The following GALNTL6 variants were observed in gnomAD, a reference collection of about 807,000 sequenced individuals.
The protein encoded by GALNTL6 is polypeptide N-acetylgalactosaminyltransferase-like 6.
Under a neutral mutation model 73.7 loss-of-function variants are expected in GALNTL6, and 46 were observed. The ratio of observed to expected loss-of-function variants is 0.62; its 90% CI spans 0.49 to 0.80. The LOEUF is 0.80. Ranked by LOEUF, GALNTL6 falls within the 30% of genes least tolerant of loss-of-function variation. GALNTL6 has a pLI of 0.00. For missense variants in GALNTL6, 604 were observed against 755.0 expected (o/e 0.80, Z 2.34); for synonymous variants, 259 against 263.7 (o/e 0.98, Z 0.17).
At chr4:171,862,704 T>C (rs1452257423) in intron 2 of GALNTL6, among the ~76,000 whole-genome samples, 1 of 152,114 alleles carries the variant, frequency 6.6e-6, no homozygotes, top group African/African-American at 2.4e-5. Context: ...ATTTTAAATA[T>C]CTTGACTTTA....
chr4:171,943,552 A>G (rs1287428024), intron 2 of GALNTL6, among the ~76,000 whole-genome samples: 1 of 152,204 alleles, frequency 6.6e-6, no homozygotes, highest in Non-Finnish European at 1.5e-5. Context: ...TGTGTGATCT[A>G]CTAGTAGACA....
chr4:172,142,901 C>T (rs2110742040), intron 2 of GALNTL6, among the ~76,000 whole-genome samples: 1 of 152,028 alleles, frequency 6.6e-6, no homozygotes, highest in Non-Finnish European at 1.5e-5. Context: ...TCTTTTTCTC[C>T]TGTTGCCCTA....
Position 172,468,919 on chromosome 4 carries a change from G to A in GALNTL6, c.553+120230G>A, listed in dbSNP as rs144471452. Among the ~76,000 whole-genome samples, 617 of 152,326 alleles carry A rather than the reference G, an allele frequency of 4.1e-3. 6 individuals are homozygous for A. Among genetic ancestry groups the A allele is most frequent in the African/African-American group, 0.014 (598 of 41,572 alleles). ...ATTCTTCCTTTTCAGCTGGCTTCGT[G>A]TTAGGCTCTGCCAACAGGGAGCATT... On this transcript the variant is annotated intron_variant, in intron 5 of 12. Transcript: ENST00000506823.
At chr4:172,149,970 C>T (rs1229861776) in intron 2 of GALNTL6, among the ~76,000 whole-genome samples, 1 of 152,154 alleles carries the variant, frequency 6.6e-6, no homozygotes, top group Non-Finnish European at 1.5e-5. Flanking sequence ...TTGAATAAGG[C>T]TCTCAGAACC....
At position 172,881,860 on chromosome 4, in the gene GALNTL6, C is replaced by T. The variant is rs113243253; in HGVS notation, c.924-930C>T. Among the ~76,000 whole-genome samples, 824 of 152,240 alleles carry T rather than the reference C, an allele frequency of 5.4e-3. 9 individuals carry two copies. The highest frequency in any genetic ancestry group is 0.018 in the African/African-American group (751 of 41,536). On this transcript the variant is annotated intron_variant, in intron 7 of 12. Transcript: ENST00000506823. ...AGTGTTGTGGTGAAGAGCCCTAGCG[C>T]AGCCTCACCACGCTAGCCTCAGCCT...
chr4:172,348,449 A>C, intron 4 of GALNTL6, 74 bp from the exon 5 acceptor site: 1 of 1,210,710 alleles, frequency 8.3e-7, no homozygotes, highest in Admixed American at 2.0e-5. Flanking sequence ...CTGATAACAT[A>C]ATGAATAAAC....
chr4:172,183,967 A>C (rs1208184539), intron 2 of GALNTL6, among the ~76,000 whole-genome samples: 1 of 151,738 alleles, frequency 6.6e-6, no homozygotes, highest in Non-Finnish European at 1.5e-5. Flanking sequence ...TAATTTTTGT[A>C]TTTTTAGTAG....
At chr4:172,582,792 A>G (rs1374309860) in intron 5 of GALNTL6, among the ~76,000 whole-genome samples, 1 of 151,116 alleles carries the variant, frequency 6.6e-6, no homozygotes, top group Non-Finnish European at 1.5e-5. Context: ...AACGTTCTCC[A>G]TTCAAATTCC....
At chr4:172,344,525 C>T (rs906545306) in intron 4 of GALNTL6, among the ~76,000 whole-genome samples, 2 of 152,202 alleles carry the variant, frequency 1.3e-5, no homozygotes, top group African/African-American at 4.8e-5. Context: ...TGCTTCTACT[C>T]TTTGCCATCT....
intron 5 of GALNTL6, chr4:172,667,025 A>T (rs1366948105): frequency 2.0e-5 from 3 of 152,244 alleles, no homozygotes; most frequent in African/African-American, 7.2e-5. Context: ...ATTCCCACCA[A>T]GTTTAGCCTA....
intron 2 of GALNTL6, among the ~76,000 whole-genome samples, chr4:172,109,037 A>G (rs1214279671): frequency 7.8e-5 from 10 of 127,558 alleles, no homozygotes; most frequent in African/African-American, 2.4e-4. Context: ...AAAAAAAAAA[A>G]AAAAAGATAT....
At chr4:172,090,653 A>G (rs990193219) in intron 2 of GALNTL6, among the ~76,000 whole-genome samples, 3 of 152,278 alleles carry the variant, frequency 2.0e-5, no homozygotes, top group African/African-American at 4.8e-5. Flanking sequence ...TTGCCTGTTC[A>G]ATCTGATGAT....
At chr4:172,206,824 T>G (rs13143201) in intron 2 of GALNTL6, among the ~76,000 whole-genome samples, 3 of 89,822 alleles carry the variant, frequency 3.3e-5, no homozygotes, top group Non-Finnish European at 2.3e-5. Flanking sequence ...GTTTGTTTTT[T>G]TTTTTTTTTT....
chr4:172,419,214 T>C (rs1730959005), intron 5 of GALNTL6, among the ~76,000 whole-genome samples: 1 of 152,162 alleles, frequency 6.6e-6, no homozygotes, highest in African/African-American at 2.4e-5. Flanking sequence ...ATATGTTACC[T>C]AACATCCTGT....
At chr4:173,003,844 C>T (rs553789130) in intron 10 of GALNTL6, among the ~76,000 whole-genome samples, 21 of 152,310 alleles carry the variant, frequency 1.4e-4, no homozygotes, top group African/African-American at 2.4e-5. Context: ...TGCTCCAAGC[C>T]CATCTCACCC....
rs183575307 is a variant in GALNTL6 at position 172,799,707 on chromosome 4, G to C, written c.554-9654G>C. On this transcript the variant is annotated intron_variant, in intron 5 of 12. Coordinates refer to ENST00000506823, the MANE Select transcript of GALNTL6 (RefSeq NM_001034845.3). ...CAGTCACTATGAAAAATAGTATAGT[G>C]GTTCCTCAAAAAATTAACAATAGAA... Among the ~76,000 whole-genome samples, 831 of 152,202 alleles carry C rather than the reference G, an allele frequency of 5.5e-3. 5 individuals are homozygous for C. Among genetic ancestry groups the C allele is most frequent in the Non-Finnish European group, 9.3e-3 (635 of 68,004 alleles).
At chr4:171,847,232 G>A (rs534302550) in intron 2 of GALNTL6, among the ~76,000 whole-genome samples, 1 of 152,012 alleles carries the variant, frequency 6.6e-6, no homozygotes, top group Non-Finnish European at 1.5e-5. Context: ...ACATATTTTT[G>A]AGTTTCCCAG....
chr4:172,441,431 T>G (rs555326185), intron 5 of GALNTL6, among the ~76,000 whole-genome samples: 23 of 152,278 alleles, frequency 1.5e-4, no homozygotes, highest in African/African-American at 5.5e-4. Flanking sequence ...TTCGTGGTCA[T>G]TCACAGAATT....
chr4:172,295,826 A>G (rs1039141354), intron 3 of GALNTL6, among the ~76,000 whole-genome samples: 3 of 152,014 alleles, frequency 2.0e-5, no homozygotes, highest in African/African-American at 7.2e-5. Context: ...ATCATTAGTA[A>G]CAACCTTGCC....
Sources: allele counts gnomAD v4.1 joint callset (sites outside exome capture counted in the v4.1 genomes callset), GRCh38; gene constraint gnomAD v4.1.1; transcripts MANE v1.5; gene names NCBI Gene and HGNC (gene_info 2026-07-23, HGNC 2026-07-21).